Variants in DNAJA3 observed in about 807,000 individuals in gnomAD.
The protein encoded by DNAJA3 is dnaJ homolog subfamily A member 3, mitochondrial.
A neutral mutation model predicts 54.9 loss-of-function variants in DNAJA3; 29 were observed. That is an observed-to-expected ratio of 0.53 (90% CI 0.39 to 0.72). DNAJA3 has a LOEUF of 0.72. DNAJA3 is among the 30% of genes least tolerant of loss of function. The pLI is 0.00. For missense variants in DNAJA3, 708 were observed against 639.4 expected, an observed-to-expected ratio of 1.11 and a Z score of -1.16; for synonymous variants, 302 against 251.4, an observed-to-expected ratio of 1.20 and a Z score of -1.90.
At chr16:4,440,006 C>T (rs969938500) in intron 3 of DNAJA3, among the ~76,000 whole-genome samples, 1 of 152,008 alleles carries the variant, frequency 6.6e-6, no homozygotes, top group Non-Finnish European at 1.5e-5. Context: ...AATCACGGTT[C>T]ACTGCAGCCT....
intron 9 of DNAJA3, among the ~76,000 whole-genome samples, chr16:4,449,188 G>A (rs2056945909): frequency 6.6e-6 from 1 of 151,528 alleles, no homozygotes; most frequent in African/African-American, 2.4e-5. Context: ...AGTAGAGATG[G>A]GGTTTCACCG....
chr16:4,440,002 G>A (rs1280289289), intron 3 of DNAJA3, among the ~76,000 whole-genome samples: 2 of 151,852 alleles, frequency 1.3e-5, no homozygotes, highest in Non-Finnish European at 2.9e-5. Context: ...GTGCAATCAC[G>A]GTTCACTGCA....
chr16:4,433,107 A>G (rs1346669832), intron 1 of DNAJA3: 2 of 152,184 alleles, frequency 1.3e-5, no homozygotes, highest in Non-Finnish European at 2.9e-5. Context: ...GCGCCACTGC[A>G]CTCCAGCCTG....
chr16:4,447,572 C>T (rs1403035774), intron 8 of DNAJA3: 1 of 153,082 alleles, frequency 6.5e-6, no homozygotes, highest in Non-Finnish European at 1.5e-5. Context: ...GCTTTCTCCT[C>T]CATCTGGGGG....
At chr16:4,443,202 A>G in intron 6 of DNAJA3, 38 bp downstream of exon 6, 5 of 1,610,364 alleles carry the variant, frequency 3.1e-6, no homozygotes, top group Non-Finnish European at 3.4e-6. Flanking sequence ...GAGCTTGGAG[A>G]GGGCAGACAG....
At chr16:4,437,560 G>C in intron 3 of DNAJA3, 75 bp downstream of exon 3, 1 of 1,249,504 alleles carries the variant, frequency 8.0e-7, no homozygotes, top group African/African-American at 1.5e-5. Context: ...TGCTACCTGG[G>C]ACAGCCTGGT....
At chr16:4,454,426 G>GT (rs1193320575) in intron 10 of DNAJA3, among the ~76,000 whole-genome samples, 7 of 151,952 alleles carry the variant, frequency 4.6e-5, no homozygotes, top group African/African-American at 7.2e-5. Context: ...TCCTTTTTTT[G>GT]TTTTTTCATC....
In DNAJA3 at chr16:4,425,906, T is replaced by A. The variant is rs2056614147; in HGVS notation, c.25T>A (p.Trp9Arg). The A allele has an allele frequency of 7.8e-6, 12 of 1,544,166 alleles. No individual in the cohort carries two copies. Among genetic ancestry groups the A allele is most frequent in the Admixed American group, 2.0e-5 (1 of 50,854 alleles). MAARCSTRWLLVVVGTPRL... is the reference protein window; with the variant it reads MAARCSTRRLLVVVGTPRL... ...GATGGCTGCGCGGTGCTCCACACGCTGGTTGCTGGTGGTTGTGGGGACCCC... is the reference window on the plus strand; with the variant it reads ...GATGGCTGCGCGGTGCTCCACACGCAGGTTGCTGGTGGTTGTGGGGACCCC... Residue 9 changes from tryptophan (W) to arginine (R), a missense_variant, in exon 1 of 12, where the codon TGG becomes AGG. Transcript: ENST00000262375.
chr16:4,432,786 A>G (rs147912465), intron 1 of DNAJA3, among the ~76,000 whole-genome samples: 3,849 of 146,890 alleles, frequency 0.026, 173 homozygotes, highest in African/African-American at 0.092. Flanking sequence ...CAGTGAGCCA[A>G]AATCGCACCA....
chr16:4,434,998 G>A (rs1351341841), intron 2 of DNAJA3, among the ~76,000 whole-genome samples: 1 of 147,278 alleles, frequency 6.8e-6, no homozygotes, highest in African/African-American at 2.5e-5. Flanking sequence ...CTGGGTTCAA[G>A]CAGTTCTCCT....
chr16:4,441,213 C>T (rs2056832048), intron 3 of DNAJA3, 162 bp from the exon 4 acceptor site: 2 of 631,326 alleles, frequency 3.2e-6, no homozygotes, highest in Non-Finnish European at 5.5e-6. Context: ...TCTCATCCCT[C>T]TTCTAGGTGC....
chr16:4,440,959 G>A (rs2056829898), intron 3 of DNAJA3: 1 of 191,610 alleles, frequency 5.2e-6, no homozygotes, highest in South Asian at 1.2e-4. Flanking sequence ...TGTTACTTCT[G>A]TTACTCCGGT....
At chr16:4,428,932 A>T (rs1160076802) in intron 1 of DNAJA3, among the ~76,000 whole-genome samples, 1 of 123,820 alleles carries the variant, frequency 8.1e-6, no homozygotes, top group East Asian at 2.4e-4. Context: ...TCTGTCGCCC[A>T]GGCTGGAGTG....
intron 2 of DNAJA3, among the ~76,000 whole-genome samples, chr16:4,436,917 G>C (rs549318832): frequency 3.9e-4 from 60 of 152,082 alleles, no homozygotes; most frequent in Non-Finnish European, 7.9e-4. Context: ...AGATACATCA[G>C]AATCAGTTCC....
At chr16:4,432,780 G>A (rs961872504) in intron 1 of DNAJA3, among the ~76,000 whole-genome samples, 4 of 151,984 alleles carry the variant, frequency 2.6e-5, no homozygotes. Context: ...AGGTTGCAGT[G>A]AGCCAAAATC....
chr16:4,438,725 C>T (rs1006190082), intron 3 of DNAJA3, among the ~76,000 whole-genome samples: 17 of 146,484 alleles, frequency 1.2e-4, no homozygotes, highest in African/African-American at 4.1e-4. Flanking sequence ...GATCCTCCTG[C>T]CTCAGCCTCT....
intron 6 of DNAJA3, among the ~76,000 whole-genome samples, chr16:4,444,166 A>G (rs989611809): frequency 6.6e-6 from 1 of 152,140 alleles, no homozygotes; most frequent in African/African-American, 2.4e-5. Context: ...CTCAGTCATC[A>G]GGTGTCTGTG....
chr16:4,454,762 G>A, intron 10 of DNAJA3, 49 bp from the exon 11 acceptor site: 3 of 1,440,280 alleles, frequency 2.1e-6, no homozygotes, highest in Non-Finnish European at 1.9e-6. Flanking sequence ...GGATGTGACT[G>A]TGGAAGTGCA....
chr16:4,444,315 T>C (rs1003967903), intron 6 of DNAJA3, among the ~76,000 whole-genome samples: 1 of 151,884 alleles, frequency 6.6e-6, no homozygotes, highest in African/African-American at 2.4e-5. Context: ...TCACAATAAC[T>C]GCTCCCTTTC....
Sources: gnomAD v4.1 joint callset for allele counts (sites outside exome capture counted in the v4.1 genomes callset) on GRCh38, gnomAD v4.1.1 for gene constraint, MANE v1.5 for transcripts, NCBI Gene and HGNC (gene_info 2026-07-23, HGNC 2026-07-21) for gene names.